Variants in SLC39A11 observed in about 807,000 individuals in gnomAD.
SLC39A11 encodes solute carrier family 39 member 11, also known as zinc transporter ZIP11.
A neutral mutation model predicts 36.1 loss-of-function variants in SLC39A11; 33 were observed. That is an observed-to-expected ratio of 0.91 (90% CI 0.69 to 1.22). The LOEUF (loss-of-function observed/expected upper bound fraction) is 1.22. SLC39A11 is among the 50% of genes most tolerant of loss of function. SLC39A11 has a pLI of 0.00. For synonymous variants in SLC39A11, 166 were observed against 170.3 expected (o/e 0.97, Z 0.20); for missense variants, 432 against 430.3 (o/e 1.00, Z -0.03).
chr17:72,902,960 G>A (rs1010048968), intron 5 of SLC39A11, among the ~76,000 whole-genome samples: 5 of 147,408 alleles, frequency 3.4e-5, no homozygotes, highest in African/African-American at 1.3e-4. Flanking sequence ...AGAAAAAAAA[G>A]TCATTAAGAA....
intron 7 of SLC39A11, among the ~76,000 whole-genome samples, chr17:72,713,914 A>G (rs895853708): frequency 1.3e-5 from 2 of 152,186 alleles, no homozygotes; most frequent in African/African-American, 4.8e-5. Context: ...AAAAAAGCAA[A>G]CTGAGGCCCA....
rs968192340 is a variant in SLC39A11 at position 72,900,213 on chromosome 17, G to A, written c.430+47539C>T. Among the ~76,000 whole-genome samples, 17 of 126,222 alleles carry A rather than the reference G, an allele frequency of 1.3e-4. 2 individuals are homozygous for A. The allele number at this position is 126,222 out of a possible 152,430, so 82.8% of individuals were successfully genotyped here. A position where few individuals can be genotyped will look rare whatever the true frequency, so the allele number is the denominator to read the frequency against. On this transcript the variant is annotated intron_variant, in intron 5 of 9. Coordinates refer to ENST00000255559, the MANE Select transcript of SLC39A11 (RefSeq NM_139177.4). ...AGAAAGAAAGAAAGAAAGAAAGAAA[G>A]AAAGAAAGAAAGAAAGAAAAAGACA... is the stretch of plus-strand genomic sequence containing the variant.
intron 7 of SLC39A11, among the ~76,000 whole-genome samples, chr17:72,696,055 AC>A: frequency 6.6e-6 from 1 of 152,282 alleles, no homozygotes; most frequent in South Asian, 2.1e-4. Context: ...GGTGAAACAG[AC>A]CCCGCTATGG....
At chr17:73,043,787 G>A (rs1051023895) in intron 3 of SLC39A11, among the ~76,000 whole-genome samples, 1 of 152,142 alleles carries the variant, frequency 6.6e-6, no homozygotes, top group African/African-American at 2.4e-5. Context: ...TCAATATCAA[G>A]TCAGTCAATC....
chr17:72,967,336 C>T (rs569779765), intron 4 of SLC39A11, among the ~76,000 whole-genome samples: 1 of 147,020 alleles, frequency 6.8e-6, no homozygotes, highest in African/African-American at 2.5e-5. Context: ...TAAGAAAACA[C>T]CCTCATGAGA....
At chr17:72,718,140 G>A (rs905914124) in intron 7 of SLC39A11, among the ~76,000 whole-genome samples, 2 of 152,156 alleles carry the variant, frequency 1.3e-5, no homozygotes, top group Admixed American at 6.5e-5. Flanking sequence ...TGAGCCAAAT[G>A]AGGTTTGATT....
chr17:72,922,977 AAAAAAAAAAAAAAC>A (rs1290751445), intron 5 of SLC39A11, among the ~76,000 whole-genome samples: 5 of 146,718 alleles, frequency 3.4e-5, no homozygotes, highest in Admixed American at 2.7e-4. Flanking sequence ...AAAAAAAAAA[AAAAAAAAAAAAAAC>A]ACACAGAAAA....
chr17:72,688,170 G>A (rs184194553), intron 7 of SLC39A11, among the ~76,000 whole-genome samples: 25 of 152,318 alleles, frequency 1.6e-4, no homozygotes, highest in African/African-American at 4.6e-4. Flanking sequence ...GTACAGGCCC[G>A]TTTCTGCTCT....
intron 3 of SLC39A11, among the ~76,000 whole-genome samples, chr17:73,042,839 G>A (rs2143570681): frequency 6.6e-6 from 1 of 152,238 alleles, no homozygotes; most frequent in East Asian, 1.9e-4. Context: ...GAATTACCCA[G>A]AAAGTACAGA....
chr17:72,726,378 A>T (rs778930508), intron 7 of SLC39A11, among the ~76,000 whole-genome samples: 3 of 152,120 alleles, frequency 2.0e-5, no homozygotes, highest in Non-Finnish European at 4.4e-5. Context: ...AATCTACAGG[A>T]TGCACACCTG....
At chr17:73,043,883 G>C (rs1264345685) in intron 3 of SLC39A11, among the ~76,000 whole-genome samples, 2 of 152,170 alleles carry the variant, frequency 1.3e-5, no homozygotes, top group Non-Finnish European at 2.9e-5. Context: ...GACTCAGTAT[G>C]AATCAAATCC....
At chr17:73,027,371 AC>A (rs2058593920) in intron 4 of SLC39A11, among the ~76,000 whole-genome samples, 1 of 151,374 alleles carries the variant, frequency 6.6e-6, no homozygotes, top group Non-Finnish European at 1.5e-5. Context: ...TTCCTTGTCC[AC>A]CCCCTTTTTT....
chr17:72,796,413 C>T lies in SLC39A11; in HGVS notation c.601+53221G>A, dbSNP rs990587838. On this transcript the variant is annotated intron_variant, in intron 6 of 9. Coordinates refer to ENST00000255559, the MANE Select transcript of SLC39A11 (RefSeq NM_139177.4). ...GCATGAGAAGGAGGGCTTTTTGCTG[C>T]GCTCCTATTCCCAAGACCACTGCTA... Among the ~76,000 whole-genome samples, 149 of 152,186 alleles carry T rather than the reference C, an allele frequency of 9.8e-4. 3 individuals are homozygous for T. The highest frequency in any genetic ancestry group is 3.3e-3 in the African/African-American group (137 of 41,486).
At chr17:73,021,332 CTCTT>C (rs1043926443) in intron 4 of SLC39A11, among the ~76,000 whole-genome samples, 1 of 151,840 alleles carries the variant, frequency 6.6e-6, no homozygotes, top group Non-Finnish European at 1.5e-5. Context: ...AGTTCCCTTA[CTCTT>C]TCTTTCTTTC....
At chr17:73,083,528 C>A (rs979116296) in intron 3 of SLC39A11, among the ~76,000 whole-genome samples, 1 of 152,106 alleles carries the variant, frequency 6.6e-6, no homozygotes, top group Non-Finnish European at 1.5e-5. Flanking sequence ...AATACATCTG[C>A]AATACACAGC....
At chr17:73,003,324 T>A (rs6501589) in intron 4 of SLC39A11, among the ~76,000 whole-genome samples, 4 of 152,182 alleles carry the variant, frequency 2.6e-5, no homozygotes, top group African/African-American at 9.7e-5. Flanking sequence ...AATTGAGTTG[T>A]GTGTGCTAAT....
chr17:72,867,305 G>A (rs1281546947), intron 5 of SLC39A11, among the ~76,000 whole-genome samples: 1 of 152,104 alleles, frequency 6.6e-6, no homozygotes, highest in East Asian at 1.9e-4. Flanking sequence ...TTCGAGGCCA[G>A]CCTGGACAAC....
At chr17:72,855,765 C>T (rs962561641) in intron 5 of SLC39A11, among the ~76,000 whole-genome samples, 22 of 151,986 alleles carry the variant, frequency 1.4e-4, no homozygotes, top group Admixed American at 3.3e-4. Flanking sequence ...GGCGTGGTGG[C>T]GGGCACCTGT....
At chr17:73,044,389 C>T (rs1286425947) in intron 3 of SLC39A11, among the ~76,000 whole-genome samples, 1 of 152,150 alleles carries the variant, frequency 6.6e-6, no homozygotes, top group Non-Finnish European at 1.5e-5. Context: ...TACTATCATG[C>T]CGACATTGGA....
Sources: gnomAD v4.1 joint callset for allele counts (sites outside exome capture counted in the v4.1 genomes callset) on GRCh38, gnomAD v4.1.1 for gene constraint, MANE v1.5 for transcripts, NCBI Gene and HGNC (gene_info 2026-07-23, HGNC 2026-07-21) for gene names.